Variants in IMMP2L observed in about 807,000 individuals in gnomAD.
The protein encoded by IMMP2L is mitochondrial inner membrane protease subunit 2.
In IMMP2L, 18 loss-of-function variants were observed where a neutral mutation model predicts 19.3. That is an observed-to-expected ratio of 0.93 (90% CI 0.64 to 1.38). The LOEUF (loss-of-function observed/expected upper bound fraction) is 1.38, where lower values mean the gene tolerates loss of function less well. Among genes scored for constraint, IMMP2L ranks in the 40% most tolerant of loss-of-function variants. IMMP2L has a pLI of 0.00. For synonymous variants in IMMP2L, 76 were observed against 73.0 expected (o/e 1.04, Z -0.21); for missense variants, 233 against 218.2 (o/e 1.07, Z -0.43).
At chr7:111,300,770 C>A (rs1822131944) in intron 3 of IMMP2L, among the ~76,000 whole-genome samples, 2 of 152,104 alleles carry the variant, frequency 1.3e-5, no homozygotes, top group Non-Finnish European at 2.9e-5. Context: ...CAGATTATTT[C>A]ATGTATCATA....
In IMMP2L at chr7:110,766,190, A is replaced by C. The variant is rs563698326; in HGVS notation, c.409-102469T>G. Among the ~76,000 whole-genome samples, 35 of 152,206 alleles carry C rather than the reference A, an allele frequency of 2.3e-4. 1 individual carries two copies. Among genetic ancestry groups the C allele is most frequent in the Non-Finnish European group, 8.8e-5 (6 of 68,036 alleles). ...TAGGAGAGATTTATTTAAATAGTTT[A>C]ATTGGTGAAATACAATCTAAAGATA... On this transcript the variant is annotated intron_variant, in intron 5 of 5. Coordinates refer to ENST00000405709, the MANE Select transcript of IMMP2L (RefSeq NM_032549.4).
chr7:111,293,297 GA>G (rs1821301479), intron 3 of IMMP2L, among the ~76,000 whole-genome samples: 1 of 151,920 alleles, frequency 6.6e-6, no homozygotes, highest in African/African-American at 2.4e-5. Context: ...CACTTTTTGT[GA>G]GAGCAATTTT....
intron 3 of IMMP2L, among the ~76,000 whole-genome samples, chr7:111,136,454 A>G (rs1802357417): frequency 6.6e-6 from 1 of 152,190 alleles, no homozygotes; most frequent in Admixed American, 6.5e-5. Flanking sequence ...AATCTAATCT[A>G]CATCCCATAG....
At chr7:111,177,743 C>G (rs1807236258) in intron 3 of IMMP2L, among the ~76,000 whole-genome samples, 1 of 151,938 alleles carries the variant, frequency 6.6e-6, no homozygotes, top group Non-Finnish European at 1.5e-5. Flanking sequence ...CTAAAATGTT[C>G]CCTTAGAGTT....
intron 4 of IMMP2L, among the ~76,000 whole-genome samples, chr7:110,898,499 T>C (rs1471450336): frequency 1.3e-5 from 2 of 152,186 alleles, no homozygotes; most frequent in Non-Finnish European, 2.9e-5. Flanking sequence ...TAATCACTTT[T>C]GTTTAAGTAA....
chr7:110,761,481 A>G (rs905833670), intron 5 of IMMP2L, among the ~76,000 whole-genome samples: 3 of 152,172 alleles, frequency 2.0e-5, no homozygotes, highest in African/African-American at 7.2e-5. Context: ...CTTCCTAATG[A>G]TCTCCAAAAG....
intron 5 of IMMP2L, among the ~76,000 whole-genome samples, chr7:110,828,894 GC>G (rs1268394548): frequency 6.6e-6 from 1 of 152,062 alleles, no homozygotes; most frequent in African/African-American, 2.4e-5. Context: ...AATATTCCAG[GC>G]CTAAATGATA....
At chr7:111,399,442 A>G (rs922257698) in intron 3 of IMMP2L, among the ~76,000 whole-genome samples, 7 of 152,048 alleles carry the variant, frequency 4.6e-5, no homozygotes, top group African/African-American at 1.7e-4. Flanking sequence ...GCTCACTGCA[A>G]CCTCCACCTC....
chr7:110,786,460 T>C (rs534649361), intron 5 of IMMP2L, among the ~76,000 whole-genome samples: 2 of 152,104 alleles, frequency 1.3e-5, no homozygotes, highest in South Asian at 2.1e-4. Flanking sequence ...GAAATTGCTA[T>C]CACTTCACTG....
At chr7:111,403,086 T>C (rs984721211) in intron 3 of IMMP2L, among the ~76,000 whole-genome samples, 7 of 147,886 alleles carry the variant, frequency 4.7e-5, no homozygotes, top group Non-Finnish European at 7.4e-5. Context: ...GACCGTGATA[T>C]GGTTTGGCTC....
chr7:110,775,284 T>C (rs1207527071), intron 5 of IMMP2L, among the ~76,000 whole-genome samples: 1 of 151,216 alleles, frequency 6.6e-6, no homozygotes, highest in African/African-American at 2.4e-5. Context: ...TGTGTGTGGT[T>C]CTGATCTAAT....
chr7:110,996,961 G>A (rs879384923), intron 3 of IMMP2L, among the ~76,000 whole-genome samples: 3 of 152,014 alleles, frequency 2.0e-5, no homozygotes, highest in Non-Finnish European at 2.9e-5. Context: ...GTAGATTCAT[G>A]TACCACCAAT....
intron 4 of IMMP2L, among the ~76,000 whole-genome samples, chr7:110,953,061 G>A (rs1817996073): frequency 6.6e-6 from 1 of 151,958 alleles, no homozygotes; most frequent in African/African-American, 2.4e-5. Context: ...TAACAGATAT[G>A]GGGAACTCCC....
intron 4 of IMMP2L, among the ~76,000 whole-genome samples, chr7:110,959,345 T>G (rs937908329): frequency 6.6e-6 from 1 of 151,944 alleles, no homozygotes; most frequent in Non-Finnish European, 1.5e-5. Flanking sequence ...AGGGGACCAG[T>G]AGACTAAGGG....
intron 4 of IMMP2L, among the ~76,000 whole-genome samples, chr7:110,943,648 G>T (rs963289066): frequency 2.0e-5 from 3 of 152,020 alleles, no homozygotes; most frequent in Non-Finnish European, 4.4e-5. Context: ...AGAGCCTCAT[G>T]CAACCCATGG....
At chr7:110,696,484 T>C (rs1247182329) in intron 5 of IMMP2L, among the ~76,000 whole-genome samples, 1 of 148,792 alleles carries the variant, frequency 6.7e-6, no homozygotes, top group African/African-American at 2.5e-5. Flanking sequence ...TGGAATGTAA[T>C]GGTACGATCT....
intron 5 of IMMP2L, among the ~76,000 whole-genome samples, chr7:110,668,723 A>G (rs1791630654): frequency 6.6e-6 from 1 of 152,198 alleles, no homozygotes; most frequent in Non-Finnish European, 1.5e-5. Context: ...GAATTCTATC[A>G]GATAACATCA....
intron 3 of IMMP2L, among the ~76,000 whole-genome samples, chr7:111,387,871 G>C (rs1365686906): frequency 6.7e-6 from 1 of 150,256 alleles, no homozygotes; most frequent in Non-Finnish European, 1.5e-5. Context: ...AACTACTCAG[G>C]AGGTTGAGGC....
intron 3 of IMMP2L, among the ~76,000 whole-genome samples, chr7:111,400,750 C>T (rs1023024485): frequency 1.3e-5 from 2 of 152,044 alleles, no homozygotes; most frequent in South Asian, 4.1e-4. Flanking sequence ...CTCTTGCTTA[C>T]CCCATAGACT....
Sources: allele counts gnomAD v4.1 joint callset (sites outside exome capture counted in the v4.1 genomes callset), GRCh38; gene constraint gnomAD v4.1.1; transcripts MANE v1.5; gene names NCBI Gene and HGNC (gene_info 2026-07-23, HGNC 2026-07-21).